The following TSPAN9 variants were observed in gnomAD, a reference collection of about 807,000 sequenced individuals.
TSPAN9 encodes the protein tetraspanin 9.
Under a neutral mutation model 31.0 loss-of-function variants are expected in TSPAN9, and 16 were observed. The ratio of observed to expected loss-of-function variants is 0.52; its 90% CI spans 0.35 to 0.78. The LOEUF (loss-of-function observed/expected upper bound fraction) is 0.78. Among genes scored for constraint, TSPAN9 ranks in the 30% least tolerant of loss-of-function variants. TSPAN9 has a pLI of 0.01. For synonymous variants in TSPAN9, 145 were observed against 121.6 expected (o/e 1.19, Z -1.27); for missense variants, 272 against 312.5 (o/e 0.87, Z 0.98).
At chr12:3,111,060 A>C (rs2098318351) in intron 2 of TSPAN9, among the ~76,000 whole-genome samples, 2 of 152,300 alleles carry the variant, frequency 1.3e-5, no homozygotes, top group Non-Finnish European at 2.9e-5. Flanking sequence ...GACCGGCTGC[A>C]TCGAAGGTTT....
At chr12:3,120,804 C>T (rs920363012) in intron 2 of TSPAN9, among the ~76,000 whole-genome samples, 2 of 152,236 alleles carry the variant, frequency 1.3e-5, no homozygotes, top group African/African-American at 2.4e-5. Context: ...GAGGTGAGGC[C>T]GAGCTCTTCC....
At chr12:3,193,650 A>G (rs1197210582) in intron 2 of TSPAN9, among the ~76,000 whole-genome samples, 1 of 152,158 alleles carries the variant, frequency 6.6e-6, no homozygotes, top group African/African-American at 2.4e-5. Flanking sequence ...GGAATGTGTA[A>G]GGGTTCACCA....
At chr12:3,234,565 A>G (rs2098392349) in intron 3 of TSPAN9, among the ~76,000 whole-genome samples, 1 of 152,088 alleles carries the variant, frequency 6.6e-6, no homozygotes, top group African/African-American at 2.4e-5. Flanking sequence ...ACATCCCAAG[A>G]GCTGTATTTC....
chr12:3,281,734 G>A lies in TSPAN9; in HGVS notation c.565G>A (p.Gly189Ser). The A allele has an allele frequency of 1.2e-6, 2 of 1,612,214 alleles. No homozygotes were observed. Among genetic ancestry groups the A allele is most frequent in the Non-Finnish European group, 1.7e-6 (2 of 1,178,376 alleles). Residue 189 changes from glycine to serine, a missense_variant and splice_region_variant, in exon 8 of 9, where the codon GGC becomes AGC. Transcript: ENST00000011898. ...TAACCTCGTGGGCCTCGCTCCCCAG[G>A]GCTGCTATGAAAAGGTGAAGATGTG... ...RNATTPLWRT[G>S]CYEKVKMWFD...
At chr12:3,086,514 G>A (rs888067841) in intron 2 of TSPAN9, among the ~76,000 whole-genome samples, 1 of 152,132 alleles carries the variant, frequency 6.6e-6, no homozygotes, top group Non-Finnish European at 1.5e-5. Flanking sequence ...ATCATTTTTA[G>A]AACATCTGAT....
chr12:3,139,644 C>T (rs1434254200), intron 2 of TSPAN9, among the ~76,000 whole-genome samples: 1 of 152,214 alleles, frequency 6.6e-6, no homozygotes, highest in East Asian at 1.9e-4. Flanking sequence ...CTCCCAGGCT[C>T]AAGTCGTTCT....
intron 3 of TSPAN9, among the ~76,000 whole-genome samples, chr12:3,238,218 G>A (rs2098394805): frequency 6.6e-6 from 1 of 152,178 alleles, no homozygotes. Flanking sequence ...CAAGGCTCAT[G>A]GTTAACAGCC....
chr12:3,256,613 G>A (rs1862351259), intron 3 of TSPAN9, among the ~76,000 whole-genome samples: 1 of 152,232 alleles, frequency 6.6e-6, no homozygotes, highest in African/African-American at 2.4e-5. Flanking sequence ...TGGCTGATTG[G>A]CATTTCTTGA....
At chr12:3,244,046 A>G (rs2098398031) in intron 3 of TSPAN9, among the ~76,000 whole-genome samples, 1 of 152,126 alleles carries the variant, frequency 6.6e-6, no homozygotes. Flanking sequence ...GCCCGTTGGG[A>G]CTGCTGGGTG....
In TSPAN9 at chr12:3,147,257, C is replaced by A. The variant is rs1223519678; in HGVS notation, c.-17-53920C>A. ...CTGCTGGGCAGCAGGAGGCAGGGAC[C>A]ACGGTCCCTGCCCTGGGATGAGGAG... On this transcript the variant is annotated intron_variant, in intron 2 of 8. Transcript: ENST00000011898. This position sits in a 1 kb window ranked among gnomAD's most constrained non-coding sequence, Gnocchi z 4.3. 2.0e-5 allele frequency among the ~76,000 whole-genome samples: 3 copies of A among 152,108 alleles called. No individual in the cohort carries two copies. The highest frequency in any genetic ancestry group is 2.0e-4 in the Admixed American group (3 of 15,276).
rs2098335816 is a variant in TSPAN9, at chr12:3,143,486, C to G, written c.-17-57691C>G. On this transcript the variant is annotated intron_variant, in intron 2 of 8. Coordinates refer to ENST00000011898, the MANE Select transcript of TSPAN9 (RefSeq NM_006675.5). The surrounding 1 kb of genome is among the most constrained non-coding windows in gnomAD (Gnocchi z 4.2). ...TCTTCTGCATTTATTAATTGGAATT[C>G]TCCAAGAAGGAAGAGCTATTTCTTC... 6.6e-6 allele frequency among the ~76,000 whole-genome samples: 1 copy of G among 151,810 alleles called. No individual in the cohort carries two copies. The highest frequency in any genetic ancestry group is 2.1e-4 in the South Asian group (1 of 4,814).
At chr12:3,199,787 C>A (rs1236300511) in intron 2 of TSPAN9, among the ~76,000 whole-genome samples, 1 of 152,150 alleles carries the variant, frequency 6.6e-6, no homozygotes, top group African/African-American at 2.4e-5. Context: ...GCCCCCGGCG[C>A]TTTCCGATAC....
At chr12:3,171,814 G>A (rs996890376) in intron 2 of TSPAN9, 6 of 152,314 alleles carry the variant, frequency 3.9e-5, no homozygotes, top group African/African-American at 1.4e-4. Flanking sequence ...GTAGGGTGTG[G>A]TCCTTGTTTG....
intron 2 of TSPAN9, among the ~76,000 whole-genome samples, chr12:3,191,283 C>T (rs898530257): frequency 9.9e-5 from 15 of 152,122 alleles, no homozygotes; most frequent in African/African-American, 3.6e-4. Flanking sequence ...CTGGCCCACC[C>T]TCCTTTCAGG....
intron 2 of TSPAN9, among the ~76,000 whole-genome samples, chr12:3,157,186 G>A (rs1776819884): frequency 2.0e-5 from 3 of 150,184 alleles, no homozygotes; most frequent in South Asian, 4.3e-4. Flanking sequence ...TGCAAGCTCC[G>A]CCTCCTGGGT....
chr12:3,245,569 G>T (rs1371779199), intron 3 of TSPAN9, among the ~76,000 whole-genome samples: 2 of 152,196 alleles, frequency 1.3e-5, no homozygotes, highest in Non-Finnish European at 2.9e-5. Flanking sequence ...TGTAAACTGA[G>T]GAGGGAGAAG....
At chr12:3,120,915 T>TA (rs2098324763) in intron 2 of TSPAN9, among the ~76,000 whole-genome samples, 1 of 152,254 alleles carries the variant, frequency 6.6e-6, no homozygotes, top group Non-Finnish European at 1.5e-5. Context: ...TGGTGGGTGA[T>TA]AAACTGCTTC....
chr12:3,112,581 A>G (rs938277514), intron 2 of TSPAN9, among the ~76,000 whole-genome samples: 1 of 139,354 alleles, frequency 7.2e-6, no homozygotes, highest in Admixed American at 7.1e-5. Flanking sequence ...GAATTAAATT[A>G]TTTCTCTTTT....
chr12:3,215,566 G>T (rs575195006), intron 3 of TSPAN9, among the ~76,000 whole-genome samples: 6 of 152,270 alleles, frequency 3.9e-5, no homozygotes, highest in East Asian at 3.9e-4. Flanking sequence ...TTCCTAGAGG[G>T]CCCTAAAGCT....
Sources: gnomAD v4.1 joint callset for allele counts (sites outside exome capture counted in the v4.1 genomes callset) on GRCh38, gnomAD v4.1.1 for gene constraint, Gnocchi (gnomAD v3.1) non-coding constraint, MANE v1.5 for transcripts, NCBI Gene and HGNC (gene_info 2026-07-23, HGNC 2026-07-21) for gene names.